The following MINDY4 variants were observed in gnomAD, a reference collection of about 807,000 sequenced individuals.
The protein encoded by MINDY4 is probable ubiquitin carboxyl-terminal hydrolase MINDY-4.
A neutral mutation model predicts 87.0 loss-of-function variants in MINDY4; 68 were observed. The ratio of observed to expected loss-of-function variants is 0.78; its 90% CI spans 0.64 to 0.96. The LOEUF (loss-of-function observed/expected upper bound fraction) is 0.96. Among genes scored for constraint, MINDY4 ranks in the 40% least tolerant of loss-of-function variants. The pLI, the probability that MINDY4 is intolerant of heterozygous loss-of-function variation, is 0.00. For missense variants in MINDY4, 919 were observed against 928.2 expected (o/e 0.99, Z 0.13); for synonymous variants, 379 against 363.2 (o/e 1.04, Z -0.50).
rs577696225 is a variant in MINDY4, at chr7:30,773,688, A to T, written c.63+2132A>T. The stretch of plus-strand genomic sequence containing the variant: ...CATCCTCCCTCTGCCACCCTGCCCC[A>T]TGGTCATGAGCTGGGCTTGTTGTTA... On this transcript the variant is annotated intron_variant, in intron 1 of 17. Coordinates refer to ENST00000265299, the MANE Select transcript of MINDY4 (RefSeq NM_032222.3). Among the ~76,000 whole-genome samples, 42 of 152,082 alleles carry T rather than the reference A, an allele frequency of 2.8e-4. 1 individual carries two copies. The highest frequency in any genetic ancestry group is 9.4e-4 in the African/African-American group (39 of 41,402).
intron 5 of MINDY4, among the ~76,000 whole-genome samples, chr7:30,819,995 G>C (rs1788277666): frequency 1.4e-5 from 2 of 143,024 alleles, no homozygotes; most frequent in South Asian, 4.4e-4. Flanking sequence ...TCCGCCTCCT[G>C]GGTTCACGCC....
At chr7:30,797,238 T>C (rs1483106888) in intron 5 of MINDY4, among the ~76,000 whole-genome samples, 1 of 152,182 alleles carries the variant, frequency 6.6e-6, no homozygotes, top group Non-Finnish European at 1.5e-5. Context: ...CAAAGCAGAT[T>C]GAGTCCCTGC....
In MINDY4 at chr7:30,892,172, A is replaced by G; in HGVS notation, c.*167A>G. The G allele has an allele frequency of 5.9e-6, 4 of 675,542 alleles. No homozygotes were observed. Among genetic ancestry groups the G allele is most frequent in the Non-Finnish European group, 1.0e-5 (4 of 389,692 alleles). The allele number at this position is 675,542 out of a possible 1,614,324, so 41.8% of individuals were successfully genotyped here. On this transcript the variant is annotated 3_prime_UTR_variant, in exon 18 of 18. Transcript: ENST00000265299. ...GCCCCTTCCATGAAGGGCCCACCCAAGACTGTGCTGGGGACCCAGTGTGTT... is the reference window on the plus strand; with the variant it reads ...GCCCCTTCCATGAAGGGCCCACCCAGGACTGTGCTGGGGACCCAGTGTGTT...
At chr7:30,860,993 CCACACACAGAGACACA>C (rs1375398107) in intron 13 of MINDY4, among the ~76,000 whole-genome samples, 1 of 151,558 alleles carries the variant, frequency 6.6e-6, no homozygotes, top group Non-Finnish European at 1.5e-5. Flanking sequence ...ACATACGTGG[CCACACACAGAGACACA>C]CACACACAGA....
At chr7:30,800,913 C>A (rs1053073843) in intron 5 of MINDY4, among the ~76,000 whole-genome samples, 1 of 152,208 alleles carries the variant, frequency 6.6e-6, no homozygotes, top group Non-Finnish European at 1.5e-5. Context: ...CTTCATCAAT[C>A]CTCCCAACCC....
intron 5 of MINDY4, chr7:30,803,548 G>A (rs1787722664): frequency 7.2e-5 from 11 of 152,250 alleles, no homozygotes; most frequent in Admixed American, 7.2e-4. Flanking sequence ...GATGAAGCAG[G>A]GCTAAGCTGA....
intron 5 of MINDY4, among the ~76,000 whole-genome samples, chr7:30,791,824 C>T (rs1483976383): frequency 6.6e-6 from 1 of 152,138 alleles, no homozygotes; most frequent in Non-Finnish European, 1.5e-5. Context: ...CCCTGGGCCA[C>T]ATTGGAAGAA....
At chr7:30,814,542 T>C (rs948142193) in intron 5 of MINDY4, among the ~76,000 whole-genome samples, 2 of 152,232 alleles carry the variant, frequency 1.3e-5, no homozygotes, top group Admixed American at 6.5e-5. Flanking sequence ...AAAGTTCTTA[T>C]GCTGCTTTCT....
Position 30,885,643 on chromosome 7 carries a change from C to T in MINDY4, c.2225+2650C>T, listed in dbSNP as rs902019704. 3.9e-5 allele frequency among the ~76,000 whole-genome samples: 6 copies of T among 152,146 alleles called. 1 individual carries two copies. Among genetic ancestry groups the T allele is most frequent in the Admixed American group, 3.9e-4 (6 of 15,288 alleles). ...ATAATTTGCATTTTTAAGGAGTCCT[C>T]CAGTGATGCTGATGCTGCTGGTCCC... On this transcript the variant is annotated intron_variant, in intron 17 of 17. Transcript: ENST00000265299.
intron 5 of MINDY4, among the ~76,000 whole-genome samples, chr7:30,814,392 T>A (rs1788090996): frequency 2.0e-5 from 3 of 152,220 alleles, no homozygotes; most frequent in Admixed American, 2.0e-4. Flanking sequence ...ATGTCAACCT[T>A]TAGAATGAAC....
At chr7:30,816,737 T>C (rs1287342467) in intron 5 of MINDY4, among the ~76,000 whole-genome samples, 3 of 152,172 alleles carry the variant, frequency 2.0e-5, no homozygotes, top group African/African-American at 7.2e-5. Context: ...GTCACTGGTT[T>C]CAGGAAGATA....
chr7:30,830,850 A>G (rs1323509444), intron 6 of MINDY4, among the ~76,000 whole-genome samples: 1 of 152,160 alleles, frequency 6.6e-6, no homozygotes, highest in East Asian at 1.9e-4. Context: ...ACATGGGCAA[A>G]TGCCTGGTGT....
intron 1 of MINDY4, among the ~76,000 whole-genome samples, chr7:30,774,654 G>A (rs1329107912): frequency 6.6e-6 from 1 of 151,864 alleles, no homozygotes; most frequent in Non-Finnish European, 1.5e-5. Flanking sequence ...TATTAACCTG[G>A]AATTTTTAGT....
chr7:30,868,611 C>G (rs1381460485), intron 13 of MINDY4, among the ~76,000 whole-genome samples: 1 of 152,200 alleles, frequency 6.6e-6, no homozygotes, highest in South Asian at 2.1e-4. Flanking sequence ...TGTACTCTCT[C>G]TGGGCATTCA....
At chr7:30,797,558 T>C (rs1557910) in intron 5 of MINDY4, among the ~76,000 whole-genome samples, 76,754 of 151,894 alleles carry the variant, frequency 0.51, 20,008 homozygotes, top group African/African-American at 0.58. Flanking sequence ...GAGGCTGGAC[T>C]ACATGAGGGA....
intron 12 of MINDY4, among the ~76,000 whole-genome samples, chr7:30,856,771 G>A (rs1439737901): frequency 2.6e-5 from 4 of 151,964 alleles, no homozygotes; most frequent in East Asian, 3.9e-4. Context: ...AAGGGACACC[G>A]AGACCAAGAG....
intron 5 of MINDY4, among the ~76,000 whole-genome samples, chr7:30,816,875 A>G (rs533550117): frequency 6.6e-6 from 1 of 152,338 alleles, no homozygotes; most frequent in African/African-American, 2.4e-5. Flanking sequence ...GAAAGAAAAG[A>G]CAGAGAGAAA....
chr7:30,867,191 C>T (rs1184884989), intron 13 of MINDY4, among the ~76,000 whole-genome samples: 1 of 152,194 alleles, frequency 6.6e-6, no homozygotes, highest in Non-Finnish European at 1.5e-5. Context: ...TCATCGTCTA[C>T]TCCCTCTTGG....
At chr7:30,799,054 C>T (rs1787576066) in intron 5 of MINDY4, among the ~76,000 whole-genome samples, 1 of 152,108 alleles carries the variant, frequency 6.6e-6, no homozygotes, top group South Asian at 2.1e-4. Context: ...AAAAGCAAGT[C>T]CCCATCTTGC....
Sources: allele counts gnomAD v4.1 joint callset (sites outside exome capture counted in the v4.1 genomes callset), GRCh38; gene constraint gnomAD v4.1.1; transcripts MANE v1.5; gene names NCBI Gene and HGNC (gene_info 2026-07-23, HGNC 2026-07-21).